Variants in PRMT2 observed in about 807,000 individuals in gnomAD.
PRMT2 encodes protein arginine methyltransferase 2, also known as protein arginine N-methyltransferase 2.
Under a neutral mutation model 57.6 loss-of-function variants are expected in PRMT2, and 26 were observed. That is an observed-to-expected ratio of 0.45 (90% CI 0.33 to 0.63). The LOEUF (loss-of-function observed/expected upper bound fraction) is 0.63, where lower values mean the gene tolerates loss of function less well. PRMT2 is among the 20% of genes least tolerant of loss of function. PRMT2 has a pLI of 0.02. For missense variants in PRMT2, 472 were observed against 564.4 expected, an observed-to-expected ratio of 0.84 and a Z score of 1.66; for synonymous variants, 219 against 220.0, an observed-to-expected ratio of 1.00 and a Z score of 0.04.
At chr21:46,640,505 G>A (rs1168729833) in intron 3 of PRMT2, among the ~76,000 whole-genome samples, 2 of 146,580 alleles carry the variant, frequency 1.4e-5, no homozygotes, top group African/African-American at 2.5e-5. Context: ...GCAGTGATGC[G>A]ATCTCGGCTC....
chr21:46,662,277 CG>C lies in PRMT2; in HGVS notation c.1097+345del, dbSNP rs1373209814. Among the ~76,000 whole-genome samples the C allele has an allele frequency of 6.6e-5, 10 of 152,332 alleles. No homozygotes were observed. In the South Asian group the frequency reaches 2.1e-3, roughly 32 times the overall value. ...GACCCAAAGCGCCTCCACGGGGCGT[CG>C]GGGTTCACCTGACGTTTTTGGAGGT... On this transcript the variant is annotated intron_variant, in intron 10 of 11. Coordinates refer to ENST00000355680, the MANE Select transcript of PRMT2 (RefSeq NM_206962.4).
At chr21:46,643,514 G>T in intron 3 of PRMT2, 21 bp from the exon 4 acceptor site, 1 of 1,492,728 alleles carries the variant, frequency 6.7e-7, no homozygotes, top group East Asian at 2.5e-5. Context: ...CTCTCCTCAC[G>T]CTTTCCTTGG....
chr21:46,652,003 C>CT (rs1277683540), intron 7 of PRMT2: 2 of 1,613,260 alleles, frequency 1.2e-6, no homozygotes, highest in Non-Finnish European at 1.7e-6. Context: ...TCTTCCTACT[C>CT]TGACGCTGAC....
At chr21:46,638,596 A>G (rs1451021759) in intron 3 of PRMT2, among the ~76,000 whole-genome samples, 1 of 152,236 alleles carries the variant, frequency 6.6e-6, no homozygotes, top group African/African-American at 2.4e-5. Context: ...GTAGCCCACA[A>G]TAGTGCTTAC....
intron 7 of PRMT2, chr21:46,655,061 G>T: frequency 3.6e-6 from 1 of 276,992 alleles, no homozygotes; most frequent in South Asian, 1.4e-4. Context: ...TAAAGATATT[G>T]AATTAATAGT....
chr21:46,646,456 A>G (rs561059785), intron 5 of PRMT2, among the ~76,000 whole-genome samples: 1 of 152,252 alleles, frequency 6.6e-6, no homozygotes, highest in East Asian at 1.9e-4. Flanking sequence ...TTACGTTTTT[A>G]ATGTATAGAA....
In PRMT2 at chr21:46,663,891, C is replaced by T. The variant is rs137914151; in HGVS notation, c.1269+337C>T. Among the ~76,000 whole-genome samples the T allele has an allele frequency of 2.3e-3, 350 of 152,246 alleles. 4 individuals carry two copies. The highest frequency in any genetic ancestry group is 0.01 in the Middle Eastern group (3 of 294). On this transcript the variant is annotated intron_variant, in intron 11 of 11. Transcript: ENST00000355680. ...GACAGAAGCCTGAGCTGTGCCTTGG[C>T]GCTCCCTTTACACAGGCCTCTGTGG...
chr21:46,648,603 A>T lies in PRMT2; in HGVS notation c.473A>T (p.Tyr158Phe). The T allele has an allele frequency of 6.2e-7, 1 of 1,614,112 alleles. No homozygotes were observed. The highest frequency in any genetic ancestry group is 8.5e-7 in the Non-Finnish European group (1 of 1,179,962). The change falls in exon 6 of 12, where the codon TAT becomes TTT. Residue 158 changes from tyrosine to phenylalanine, a missense_variant. Tyr to Phe is a conservative substitution (Grantham distance 22, BLOSUM62 3). Transcript: ENST00000355680. This position sits in a 1 kb window ranked among gnomAD's most constrained non-coding sequence, Gnocchi z 4.8. Reference sequence around the variant, plus strand: ...ATCATCAGTCTCTTCTGTGCACACTATGCGCGGCCTAGAGCGGTGAGTGGG... The same window carrying T: ...ATCATCAGTCTCTTCTGTGCACACTTTGCGCGGCCTAGAGCGGTGAGTGGG... ...TGIISLFCAH[Y>F]ARPRAVYAVE...
chr21:46,663,411 A>C lies in PRMT2; in HGVS notation c.1126A>C (p.Met376Leu). 1 of 1,613,964 alleles carries C rather than the reference A, an allele frequency of 6.2e-7. No homozygotes were observed. The highest frequency in any genetic ancestry group is 1.1e-5 in the South Asian group (1 of 91,086). Residue 376 changes from methionine (M) to leucine (L), a missense_variant, in exon 11 of 12, where the codon ATG becomes CTG. This residue lies in a region of PRMT2 where 229 missense variants were observed against 217.2 expected (regional missense o/e 1.05). Coordinates refer to ENST00000355680, the MANE Select transcript of PRMT2 (RefSeq NM_206962.4). ...PTTHWKQTLF[M>L]MDDPVPVHTG... Reference sequence around the variant, plus strand: ...CACACACTGGAAGCAGACGCTGTTCATGATGGACGACCCAGTCCCTGTCCA... The same window carrying C: ...CACACACTGGAAGCAGACGCTGTTCCTGATGGACGACCCAGTCCCTGTCCA...
intron 7 of PRMT2, chr21:46,652,614 TG>T (rs1218488858): frequency 2.0e-5 from 20 of 985,192 alleles, no homozygotes; most frequent in Non-Finnish European, 2.4e-5. Context: ...TGGGGAAGTG[TG>T]CACCGCCATG....
Position 46,648,108 on chromosome 21 carries a change from C to T in PRMT2, c.328-350C>T, listed in dbSNP as rs910409002. Among the ~76,000 whole-genome samples, 8 of 152,118 alleles carry T rather than the reference C, an allele frequency of 5.3e-5. No homozygotes were observed. Among genetic ancestry groups the T allele is most frequent in the Non-Finnish European group, 1.0e-4 (7 of 68,024 alleles). ...ATGTTAATTTTGGGAGAGCTGACAT[C>T]TTTATAACATTGACTCTCAGTCTCT... is the stretch of plus-strand genomic sequence containing the variant. On this transcript the variant is annotated intron_variant, in intron 5 of 11. Transcript: ENST00000355680. The surrounding 1 kb of genome is among the most constrained non-coding windows in gnomAD (Gnocchi z 4.8).
In PRMT2 at chr21:46,648,409, G is replaced by T; in HGVS notation, c.328-49G>T. 1 of 1,597,460 alleles carries T rather than the reference G, an allele frequency of 6.3e-7. No homozygotes were observed. The highest frequency in any genetic ancestry group is 1.3e-5 in the African/African-American group (1 of 74,882). On this transcript the variant is annotated intron_variant, in intron 5 of 11. Transcript: ENST00000355680. This position sits in a 1 kb window ranked among gnomAD's most constrained non-coding sequence, Gnocchi z 4.8. ...ACCCTCCATCTCAGTCCAGACCTCAGCATGGCTCTAGGTCACAGGCAGTGA... is the reference window on the plus strand; with the variant it reads ...ACCCTCCATCTCAGTCCAGACCTCATCATGGCTCTAGGTCACAGGCAGTGA...
Position 46,643,619 on chromosome 21 carries a change from GCTGCCA to G in PRMT2, c.126_131del (p.Ala43_Thr44del). 6.2e-7 allele frequency: 1 copy of G among 1,609,794 alleles called. No homozygotes were observed. Among genetic ancestry groups the G allele is most frequent in the Non-Finnish European group, 8.5e-7 (1 of 1,178,852 alleles). ...GGAGTTTGTGGCCATCGCGGACTAC[GCTGCCA>G]CCGATGAGACCCAGGTAGCCACACG... On this transcript the variant is annotated inframe_deletion, in exon 4 of 12. Transcript: ENST00000355680.
chr21:46,650,431 G>A (rs2061432243), intron 7 of PRMT2, among the ~76,000 whole-genome samples: 1 of 152,180 alleles, frequency 6.6e-6, no homozygotes, highest in Admixed American at 6.5e-5. Context: ...TGCTTTCCAG[G>A]AAACGGTTTC....
intron 9 of PRMT2, chr21:46,661,397 T>TCCCCGCGC (rs1426940308): frequency 5.9e-6 from 1 of 168,852 alleles, no homozygotes; most frequent in Non-Finnish European, 1.3e-5. Context: ...CTGGGCGGTT[T>TCCCCGCGC]CCCCGCGCCC....
chr21:46,654,937 T>C, intron 7 of PRMT2: 1 of 982,686 alleles, frequency 1.0e-6, no homozygotes, highest in Non-Finnish European at 1.2e-6. Context: ...AGAGTGTACA[T>C]ACATAGAGTG....
In PRMT2 at chr21:46,649,832, G is replaced by A. The variant is rs766769523; in HGVS notation, c.654+93G>A. The stretch of plus-strand genomic sequence containing the variant: ...CCAACCTCAGGATCTCAAGGGTCGT[G>A]CGTGATTCATTTTGATGTTTTCCCT... On this transcript the variant is annotated intron_variant, in intron 7 of 11. Transcript: ENST00000355680. This position sits in a 1 kb window ranked among gnomAD's most constrained non-coding sequence, Gnocchi z 4.8. 1 of 1,539,944 alleles carries A rather than the reference G, an allele frequency of 6.5e-7. No individual in the cohort carries two copies. The highest frequency in any genetic ancestry group is 8.8e-7 in the Non-Finnish European group (1 of 1,137,050).
chr21:46,636,171 C>G (rs577086214), intron 1 of PRMT2: 4 of 152,860 alleles, frequency 2.6e-5, no homozygotes, highest in African/African-American at 4.8e-5. Context: ...TTCTCACCCC[C>G]CTTCACTGGC....
intron 9 of PRMT2, chr21:46,661,428 G>GCCCTGCCTGGCGCCCCCGCCCTGC (rs1297838128): frequency 1.7e-5 from 3 of 173,108 alleles, no homozygotes; most frequent in African/African-American, 7.1e-5. Flanking sequence ...TGGCGCCCCA[G>GCCCTGCCTGGCGCCCCCGCCCTGC]CTGGCGCCGC....
Sources: allele counts gnomAD v4.1 joint callset (sites outside exome capture counted in the v4.1 genomes callset), GRCh38; gene constraint gnomAD v4.1.1; regional missense constraint gnomAD v4.1.1; non-coding constraint Gnocchi (gnomAD v3.1); transcripts MANE v1.5; gene names NCBI Gene and HGNC (gene_info 2026-07-23, HGNC 2026-07-21).